Variants in PEX1 observed in about 807,000 individuals in gnomAD.
The protein encoded by PEX1 is peroxisomal ATPase PEX1.
In PEX1, 97 loss-of-function variants were observed where a neutral mutation model predicts 152.5. The observed-to-expected ratio is 0.64, with a 90% confidence interval of 0.54 to 0.75. The LOEUF is 0.75. Among genes scored for constraint, PEX1 ranks in the 30% least tolerant of loss-of-function variants. PEX1 has a pLI of 0.00. For synonymous variants in PEX1, 485 were observed against 531.6 expected (o/e 0.91, Z 1.21); for missense variants, 1,357 against 1,516.3 (o/e 0.89, Z 1.74).
rs116549946 is a variant in PEX1, at chr7:92,496,980, C to T, written c.2719-203G>A. Among the ~76,000 whole-genome samples the T allele has an allele frequency of 2.6e-3, 398 of 152,228 alleles. 2 individuals are homozygous for T. The highest frequency in any genetic ancestry group is 9.4e-3 in the African/African-American group (389 of 41,526). On this transcript the variant is annotated intron_variant, in intron 16 of 23. Coordinates refer to ENST00000248633, the MANE Select transcript of PEX1 (RefSeq NM_000466.3). ...TGCTTCTGCCCAGAACATTTTCCCC[C>T]GGATATTCTCATGGCTTGTTGCTTC... is the stretch of plus-strand genomic sequence containing the variant.
In PEX1 at chr7:92,501,521, G is replaced by GCCAA; in HGVS notation, c.2568_2569insTTGG (p.Gln857LeufsTer44). The GCCAA allele has an allele frequency of 6.2e-7, 1 of 1,613,198 alleles. No homozygotes were observed. Among genetic ancestry groups the GCCAA allele is most frequent in the Non-Finnish European group, 8.5e-7 (1 of 1,179,314 alleles). ...TTTAAACATACCTTGGCAGGTAACT[G>GCCAA]GATAGTATCCATGAGTATCTGCCTA... On this transcript the variant is annotated frameshift_variant, in exon 15 of 24. Coordinates refer to ENST00000248633, the MANE Select transcript of PEX1 (RefSeq NM_000466.3). LOFTEE classifies it high-confidence loss of function.
intron 7 of PEX1, 100 bp from the exon 8 acceptor site, chr7:92,511,147 T>C (rs1792444045): frequency 1.4e-6 from 1 of 702,490 alleles, no homozygotes; most frequent in South Asian, 1.7e-5. Context: ...AAGACTTTTT[T>C]TTTTTTCCCC....
Position 92,489,758 on chromosome 7 carries a change from C to T in PEX1, c.3592G>A (p.Ala1198Thr), listed in dbSNP as rs1791176196. 3.7e-6 allele frequency: 6 copies of T among 1,614,148 alleles called. No homozygotes were observed. The highest frequency in any genetic ancestry group is 4.2e-6 in the Non-Finnish European group (5 of 1,180,002). ...LTQEQRDQLR[A>T]DISIIKGRYR... Reference sequence around the variant, plus strand: ...CTGCCTTTGATAATACTGATATCTGCCCTCAGTTGATCTCTTTGTTCTTGT... The same window carrying T: ...CTGCCTTTGATAATACTGATATCTGTCCTCAGTTGATCTCTTTGTTCTTGT... Residue 1198 changes from alanine (A) to threonine (T), a missense_variant, in exon 22 of 24, where the codon GCA becomes ACA. Ala to Thr is a moderately conservative substitution (Grantham distance 58). Transcript: ENST00000248633.
At chr7:92,491,190 G>A (rs1562843912) in intron 21 of PEX1, 82 bp downstream of exon 21, 1 of 943,040 alleles carries the variant, frequency 1.1e-6, no homozygotes. Context: ...TGTGGGGCTG[G>A]TTAGGAGAGA....
chr7:92,496,626 GTTC>G lies in PEX1; in HGVS notation c.2783+84_2783+86del, dbSNP rs1395311702. 6 of 870,228 alleles carry G rather than the reference GTTC, an allele frequency of 6.9e-6. No individual in the cohort carries two copies. The Admixed American group carries it at 8.5e-5, about 12-fold the overall frequency. The allele number at this position is 870,228 out of a possible 1,614,324, so 53.9% of individuals were successfully genotyped here. On this transcript the variant is annotated intron_variant, in intron 17 of 23. Transcript: ENST00000248633. ...CATAAACCACAGGTTTCAAATATCA[GTTC>G]TTCAAAAAACAAGACCAAAAAAAGC...
At chr7:92,516,777 A>AGCT (rs1215708484) in intron 5 of PEX1, among the ~76,000 whole-genome samples, 2 of 152,212 alleles carry the variant, frequency 1.3e-5, no homozygotes, top group African/African-American at 4.8e-5. Flanking sequence ...CGGCAGGGTA[A>AGCT]GCAGCTCCTG....
intron 3 of PEX1, among the ~76,000 whole-genome samples, chr7:92,518,473 T>C (rs1792908019): frequency 6.6e-6 from 1 of 152,218 alleles, no homozygotes; most frequent in Non-Finnish European, 1.5e-5. Context: ...TTTTGTGTTT[T>C]TGTGGTAAGA....
rs1364942970 is a variant in PEX1, at chr7:92,489,347, A to C, written c.3713T>G (p.Leu1238Arg). ...ACTAATGGATGGTCTTGTGTGACCA[A>C]GTGCAGTCATTAAATGTGACTGACT... The part of the protein sequence containing the change: ...AISQSHLMTA[L>R]GHTRPSISED... Residue 1238 changes from leucine (L) to arginine (R), a missense_variant, in exon 23 of 24, where the codon CTT becomes CGT. Transcript: ENST00000248633. 6.2e-7 allele frequency: 1 copy of C among 1,612,948 alleles called. No homozygotes were observed. Among genetic ancestry groups the C allele is most frequent in the South Asian group, 1.1e-5 (1 of 91,040 alleles).
intron 14 of PEX1, 89 bp downstream of exon 14, chr7:92,501,801 G>A: frequency 1.5e-6 from 2 of 1,374,698 alleles, no homozygotes; most frequent in Non-Finnish European, 2.1e-6. Flanking sequence ...ATACTACAAT[G>A]GAATATATTT....
Position 92,507,054 on chromosome 7 carries a change from C to A in PEX1, c.1743G>T (p.Arg581=). The A allele has an allele frequency of 6.2e-7, 1 of 1,614,018 alleles. No individual in the cohort carries two copies. Among genetic ancestry groups the A allele is most frequent in the South Asian group, 1.1e-5 (1 of 91,076 alleles). Residue 581 remains arginine (R), a synonymous_variant, in exon 10 of 24, where the codon CGG becomes CGT. Coordinates refer to ENST00000248633, the MANE Select transcript of PEX1 (RefSeq NM_000466.3). ...GTCCTGCAACAAGAGACATCAGCTG[C>A]CGAGACAAAGGGCGTCCCAGGAGGC... ...THSLLGRPLS[R]QLMSLVAGLR... is the part of the protein sequence containing the mutation.
chr7:92,518,266 C>G lies in PEX1; in HGVS notation c.358-11G>C, dbSNP rs113104510. Reference sequence around the variant, plus strand: ...AACAGCATGCAGCTCCTAGAACCAACAGACGAAAAGATCAATTCACTTTAC... The same window carrying G: ...AACAGCATGCAGCTCCTAGAACCAAGAGACGAAAAGATCAATTCACTTTAC... On this transcript the variant is annotated splice_polypyrimidine_tract_variant and intron_variant, in intron 3 of 23. Transcript: ENST00000248633. 0.038 allele frequency: 56,546 copies of G among 1,477,148 alleles called. 1,248 individuals are homozygous for G. The highest frequency in any genetic ancestry group is 0.053 in the African/African-American group (3,822 of 72,332). The allele number at this position is 1,477,148 out of a possible 1,614,324, so 91.5% of individuals were successfully genotyped here. A position where few individuals can be genotyped will look rare whatever the true frequency, so the allele number is the denominator to read the frequency against.
rs1562846113 is a variant in PEX1, at chr7:92,492,955, G to A, written c.3205C>T (p.Gln1069Ter). Reference sequence around the variant, plus strand: ...AACAACTTCCTCATATAACTTGCCTGGAGTCCACTCGAGAGCAGCATTCCA... The same window carrying A: ...AACAACTTCCTCATATAACTTGCCTAGAGTCCACTCGAGAGCAGCATTCCA... ...LHGMLLSSGL[Q>*]DGSSSSDSDL... The change falls in exon 20 of 24, where the codon CAG becomes TAG. Residue 1069 changes from glutamine to a stop codon, truncating the protein, a stop_gained and splice_region_variant. Coordinates refer to ENST00000248633, the MANE Select transcript of PEX1 (RefSeq NM_000466.3). LOFTEE classifies it high-confidence loss of function. 1 of 1,611,770 alleles carries A rather than the reference G, an allele frequency of 6.2e-7. No homozygotes were observed. Among genetic ancestry groups the A allele is most frequent in the Non-Finnish European group, 8.5e-7 (1 of 1,177,994 alleles).
Position 92,491,467 on chromosome 7 carries a change from CAG to C in PEX1, c.3241_3242del (p.Leu1081ValfsTer7). 6.2e-7 allele frequency: 1 copy of C among 1,613,018 alleles called. No individual in the cohort carries two copies. The highest frequency in any genetic ancestry group is 8.5e-7 in the Non-Finnish European group (1 of 1,179,064). Reference sequence around the variant, plus strand: ...TATGGTTAAGAAAGACCATTGAAGACAGACTTAGGTCACTATCAGAGCTGGAA... The same window carrying C: ...TATGGTTAAGAAAGACCATTGAAGACACTTAGGTCACTATCAGAGCTGGAA... ...GSSSSDSDLS[L>X]SSMVFLNHSS... On this transcript the variant is annotated frameshift_variant, in exon 21 of 24. Coordinates refer to ENST00000248633, the MANE Select transcript of PEX1 (RefSeq NM_000466.3). LOFTEE classifies it high-confidence loss of function.
intron 15 of PEX1, 101 bp downstream of exon 15, chr7:92,501,406 G>C: frequency 1.1e-6 from 1 of 871,078 alleles, no homozygotes; most frequent in East Asian, 2.5e-5. Context: ...AACACTTGTT[G>C]ACTCACACGG....
intron 1 of PEX1, among the ~76,000 whole-genome samples, chr7:92,528,005 C>T (rs1298972401): frequency 1.3e-5 from 2 of 152,240 alleles, no homozygotes; most frequent in Admixed American, 6.5e-5. Context: ...AAAAACAAAC[C>T]ACTTCTCAGG....
intron 19 of PEX1, 22 bp from the exon 20 acceptor site, chr7:92,493,151 TAACA>T: frequency 7.2e-7 from 1 of 1,381,876 alleles, no homozygotes; most frequent in Non-Finnish European, 1.0e-6. Context: ...AAAATTTATT[TAACA>T]AATAAAAAAT....
chr7:92,522,292 T>C (rs1300964905), intron 1 of PEX1, 47 bp from the exon 2 acceptor site: 3 of 1,580,290 alleles, frequency 1.9e-6, no homozygotes, highest in Admixed American at 3.3e-5. Context: ...GTATACATTT[T>C]TCTGGATTCA....
intron 11 of PEX1, among the ~76,000 whole-genome samples, 183 bp downstream of exon 11, chr7:92,506,065 T>C (rs969175098): frequency 6.6e-6 from 1 of 152,044 alleles, no homozygotes; most frequent in African/African-American, 2.4e-5. Flanking sequence ...CCATTAAATA[T>C]GGAGAGTTTT....
rs1585231275 is a variant in PEX1, at chr7:92,501,717, T to C, written c.2417-44A>G. ...AACTTCTTTTACTAGTTATATTCAC[T>C]ATATGAATTTTCAAAATATGCCATC... On this transcript the variant is annotated intron_variant, in intron 14 of 23. Transcript: ENST00000248633. 3 of 1,528,374 alleles carry C rather than the reference T, an allele frequency of 2.0e-6. No homozygotes were observed. The East Asian group carries it at 6.9e-5, about 35-fold the overall frequency. The allele number at this position is 1,528,374 out of a possible 1,614,324, so 94.7% of individuals were successfully genotyped here. A position where few individuals can be genotyped will look rare whatever the true frequency, so the allele number is the denominator to read the frequency against.
Sources: gnomAD v4.1 joint callset for allele counts (sites outside exome capture counted in the v4.1 genomes callset) on GRCh38, gnomAD v4.1.1 for gene constraint, MANE v1.5 for transcripts, NCBI Gene and HGNC (gene_info 2026-07-23, HGNC 2026-07-21) for gene names.